The following NALCN variants were observed in gnomAD, a reference collection of about 807,000 sequenced individuals.
The protein encoded by NALCN is sodium leak channel NALCN.
NALCN carries 111 observed loss-of-function variants against 225.3 expected under a neutral mutation model. The observed-to-expected ratio is 0.49, with a 90% CI of 0.42 to 0.58. NALCN has a LOEUF of 0.58. Ranked by LOEUF, NALCN falls within the 20% of genes least tolerant of loss-of-function variation. The pLI is 0.00. For missense variants in NALCN, 1,378 were observed against 2,202.4 expected, an observed-to-expected ratio of 0.63 and a Z score of 7.49; for synonymous variants, 764 against 769.0, an observed-to-expected ratio of 0.99 and a Z score of 0.11.
At chr13:101,130,596 G>A (rs1018576096) in intron 17 of NALCN, among the ~76,000 whole-genome samples, 2 of 152,170 alleles carry the variant, frequency 1.3e-5, no homozygotes, top group African/African-American at 2.4e-5. Context: ...GACCTTGAAA[G>A]TTGAAAGTCA....
rs367657530 is a variant in NALCN at position 101,202,906 on chromosome 13, CCAGCAGAT to C, written c.1627-10860_1627-10853del. On this transcript the variant is annotated intron_variant, in intron 13 of 43. Coordinates refer to ENST00000251127, the MANE Select transcript of NALCN (RefSeq NM_052867.4). ...TATGCAGACCAGGATGCTCTGTAAG[CCAGCAGAT>C]CAGTGAGGTCAAGAACCAAGTACTC... 4.7e-3 allele frequency among the ~76,000 whole-genome samples: 717 copies of C among 152,284 alleles called. 8 individuals are homozygous for C. Among genetic ancestry groups the C allele is most frequent in the African/African-American group, 0.017 (698 of 41,582 alleles).
chr13:101,239,651 G>C (rs868548490), intron 11 of NALCN, among the ~76,000 whole-genome samples: 1 of 151,936 alleles, frequency 6.6e-6, no homozygotes, highest in Admixed American at 6.6e-5. Flanking sequence ...GAATCATCAG[G>C]AAGGTGGTTA....
intron 10 of NALCN, among the ~76,000 whole-genome samples, chr13:101,262,483 A>G (rs1156586934): frequency 6.6e-6 from 1 of 152,180 alleles, no homozygotes; most frequent in Non-Finnish European, 1.5e-5. Flanking sequence ...CCACTGAGCC[A>G]CATCTGCCCA....
At chr13:101,070,063 G>GTTCTTTTTTTTTTTTTTT (rs536866923) in intron 37 of NALCN, among the ~76,000 whole-genome samples, 2 of 98,314 alleles carry the variant, frequency 2.0e-5, no homozygotes, top group African/African-American at 8.5e-5. Flanking sequence ...AATCATGAAT[G>GTTCTTTTTTTTTTTTTTT]TTTTTTTTTT....
At chr13:101,303,150 A>G (rs775631376) in intron 7 of NALCN, among the ~76,000 whole-genome samples, 15 of 152,202 alleles carry the variant, frequency 9.9e-5, no homozygotes, top group Non-Finnish European at 2.1e-4. Context: ...TTATGAAGAC[A>G]GGATTGATAA....
At chr13:101,305,546 A>C (rs1033531532) in intron 7 of NALCN, among the ~76,000 whole-genome samples, 1 of 152,210 alleles carries the variant, frequency 6.6e-6, no homozygotes, top group African/African-American at 2.4e-5. Flanking sequence ...ACTACCTCAT[A>C]CTGCAAAAAG....
rs56838607 is a variant in NALCN, at chr13:101,347,140, T to TACACACACAC, written c.645-1730_645-1721dup. On this transcript the variant is annotated intron_variant, in intron 6 of 43. Coordinates refer to ENST00000251127, the MANE Select transcript of NALCN (RefSeq NM_052867.4). ...ACGCATACACACACGTACATAGTTTTACACACACACACACACACACACACA... is the reference window on the plus strand; with the variant it reads ...ACGCATACACACACGTACATAGTTTTACACACACACACACACACACACACACACACACACA... Among the ~76,000 whole-genome samples, 816 of 149,530 alleles carry TACACACACAC rather than the reference T, an allele frequency of 5.5e-3. 6 individuals are homozygous for TACACACACAC. The highest frequency in any genetic ancestry group is 0.018 in the African/African-American group (716 of 40,728).
At chr13:101,130,891 G>A (rs1471159057) in intron 17 of NALCN, among the ~76,000 whole-genome samples, 1 of 152,080 alleles carries the variant, frequency 6.6e-6, no homozygotes, top group Non-Finnish European at 1.5e-5. Context: ...TTATGTTTCA[G>A]AAAAGTTTAG....
At chr13:101,115,073 A>G (rs2035640906) in intron 18 of NALCN, among the ~76,000 whole-genome samples, 1 of 152,326 alleles carries the variant, frequency 6.6e-6, no homozygotes, top group African/African-American at 2.4e-5. Context: ...TTCCGTGAAG[A>G]TCAAATATTT....
In NALCN at chr13:101,405,640, G is replaced by A. The variant is rs545482307; in HGVS notation, c.-39-6475C>T. On this transcript the variant is annotated intron_variant, in intron 1 of 43. Transcript: ENST00000251127. Reference sequence around the variant, plus strand: ...TCACGGCCTCCACAGCCTCTCACACGCACTGGGCACTTTCCAGACCAGAAT... The same window carrying A: ...TCACGGCCTCCACAGCCTCTCACACACACTGGGCACTTTCCAGACCAGAAT... Among the ~76,000 whole-genome samples the A allele has an allele frequency of 1.2e-4, 18 of 152,222 alleles. No individual in the cohort carries two copies. The South Asian group carries it at 3.7e-3, about 32-fold the overall frequency.
chr13:101,070,757 T>C (rs2032818624), intron 37 of NALCN, among the ~76,000 whole-genome samples: 1 of 152,208 alleles, frequency 6.6e-6, no homozygotes, highest in Non-Finnish European at 1.5e-5. Flanking sequence ...GTTCCATTTA[T>C]AGAGCACAGG....
At chr13:101,087,650 A>G (rs1418822784) in intron 30 of NALCN, among the ~76,000 whole-genome samples, 1 of 152,132 alleles carries the variant, frequency 6.6e-6, no homozygotes. Context: ...TACGCCCCAG[A>G]TCCCCCAAAC....
chr13:101,147,389 C>T (rs1393130940), intron 15 of NALCN, among the ~76,000 whole-genome samples: 1 of 131,398 alleles, frequency 7.6e-6, no homozygotes, highest in Non-Finnish European at 1.6e-5. Context: ...GAGTCTTGCT[C>T]TGTCTCCCAG....
At chr13:101,314,748 A>G (rs1281960881) in intron 7 of NALCN, among the ~76,000 whole-genome samples, 1 of 152,196 alleles carries the variant, frequency 6.6e-6, no homozygotes, top group African/African-American at 2.4e-5. Context: ...TCCCACTAAT[A>G]AGGCTTTGAT....
intron 13 of NALCN, among the ~76,000 whole-genome samples, chr13:101,199,366 ACT>A (rs2040020256): frequency 6.6e-6 from 1 of 151,894 alleles, no homozygotes; most frequent in Admixed American, 6.6e-5. Context: ...TTACTGTGGC[ACT>A]ATTCACAATA....
At chr13:101,214,425 C>A (rs2040649567) in intron 13 of NALCN, among the ~76,000 whole-genome samples, 1 of 152,014 alleles carries the variant, frequency 6.6e-6, no homozygotes, top group African/African-American at 2.4e-5. Context: ...GCACATGTAC[C>A]CTAGAACTTA....
chr13:101,139,029 C>T (rs112477798), intron 17 of NALCN, among the ~76,000 whole-genome samples: 4,720 of 152,190 alleles, frequency 0.031, 146 homozygotes, highest in African/African-American at 0.074. Flanking sequence ...GAGTCTCAAA[C>T]GACAGGCAGG....
At chr13:101,117,148 T>C (rs1386633685) in intron 18 of NALCN, 3 of 339,766 alleles carry the variant, frequency 8.8e-6, no homozygotes, top group African/African-American at 6.5e-5. Context: ...TTCATAAAAA[T>C]GTTTTCATAG....
chr13:101,115,929 T>G (rs1437992284), intron 18 of NALCN, among the ~76,000 whole-genome samples: 1 of 152,152 alleles, frequency 6.6e-6, no homozygotes, highest in East Asian at 1.9e-4. Flanking sequence ...CTTCTGCAAC[T>G]GGGAGGCACA....
Sources: gnomAD v4.1 joint callset for allele counts (sites outside exome capture counted in the v4.1 genomes callset) on GRCh38, gnomAD v4.1.1 for gene constraint, MANE v1.5 for transcripts, NCBI Gene and HGNC (gene_info 2026-07-23, HGNC 2026-07-21) for gene names.